ARL2BP: variants seen among roughly 807,000 people sequenced by gnomAD.
The protein encoded by ARL2BP is ARF like GTPase 2 binding protein.
In ARL2BP, 19 loss-of-function variants were observed where a neutral mutation model predicts 24.2. The observed-to-expected ratio is 0.79, with a 90% CI of 0.55 to 1.15. ARL2BP has a LOEUF of 1.15. ARL2BP is among the 50% of genes most tolerant of loss of function. ARL2BP has a pLI of 0.00. For missense variants in ARL2BP, 160 were observed against 190.4 expected (o/e 0.84, Z 0.94); for synonymous variants, 56 against 70.5 (o/e 0.79, Z 1.03).
At chr16:57,248,679 G>A in intron 3 of ARL2BP, 36 bp downstream of exon 3, 21 of 1,304,598 alleles carry the variant, frequency 1.6e-5, no homozygotes, top group Non-Finnish European at 2.2e-5. Context: ...CAGGAGGTCA[G>A]AGTTTTTAAA....
At position 57,252,488 on chromosome 16, in the gene ARL2BP, T is replaced by C; in HGVS notation, c.*221T>C. ...ATTAACCATAGTACTCCTCCCCACC[T>C]CAAGTAGACACCTCTCTCAGGAGCT... On this transcript the variant is annotated 3_prime_UTR_variant, in exon 6 of 6. Coordinates refer to ENST00000219204, the MANE Select transcript of ARL2BP (RefSeq NM_012106.4). 5 of 736,748 alleles carry C rather than the reference T, an allele frequency of 6.8e-6. No homozygotes were observed. The highest frequency in any genetic ancestry group is 1.1e-5 in the Non-Finnish European group (5 of 472,574). 45.6% of individuals were successfully genotyped at this position (736,748 alleles called of 1,614,324 possible). A position where few individuals can be genotyped will look rare whatever the true frequency, so the allele number is the denominator to read the frequency against.
rs373633040 is a variant in ARL2BP at position 57,245,443 on chromosome 16, G to A, written c.38+38G>A. ...TCCAGGGCGCAGGCGACTTGGGGCC[G>A]GAGGCAGCGGGCGTTCGCCCCGGGG... On this transcript the variant is annotated intron_variant, in intron 1 of 5. Coordinates refer to ENST00000219204, the MANE Select transcript of ARL2BP (RefSeq NM_012106.4). 304 of 1,597,228 alleles carry A rather than the reference G, an allele frequency of 1.9e-4. 1 individual carries two copies. The African/African-American group carries it at 3.8e-3, about 20-fold the overall frequency.
chr16:57,253,287 C>T lies in ARL2BP; in HGVS notation c.*1020C>T, dbSNP rs1330804649. ...TTTCTTCCTGTCAAAATCTCTCCTACCAAGATGGTGTTCCACTGTCCAGCC... is the reference window on the plus strand; with the variant it reads ...TTTCTTCCTGTCAAAATCTCTCCTATCAAGATGGTGTTCCACTGTCCAGCC... On this transcript the variant is annotated 3_prime_UTR_variant, in exon 6 of 6. Coordinates refer to ENST00000219204, the MANE Select transcript of ARL2BP (RefSeq NM_012106.4). 2 of 152,214 alleles carry T rather than the reference C, an allele frequency of 1.3e-5. No individual in the cohort carries two copies. The highest frequency in any genetic ancestry group is 2.4e-5 in the African/African-American group (1 of 41,436). 9.4% of individuals were successfully genotyped at this position (152,214 alleles called of 1,614,324 possible).
rs1010518472 is a variant in ARL2BP at position 57,252,658 on chromosome 16, C to T, written c.*391C>T. 11 of 238,344 alleles carry T rather than the reference C, an allele frequency of 4.6e-5. No individual in the cohort carries two copies. Among genetic ancestry groups the T allele is most frequent in the Non-Finnish European group, 5.8e-5 (7 of 120,094 alleles). 14.8% of individuals were successfully genotyped at this position (238,344 alleles called of 1,614,324 possible). A position where few individuals can be genotyped will look rare whatever the true frequency, so the allele number is the denominator to read the frequency against. ...AGCAGGCTCTGCATGAATCTTTGTG[C>T]ACTTGCACCTCTTTTTCACATGGGC... On this transcript the variant is annotated 3_prime_UTR_variant, in exon 6 of 6. Coordinates refer to ENST00000219204, the MANE Select transcript of ARL2BP (RefSeq NM_012106.4).
rs1044196 is a variant in ARL2BP at position 57,252,299 on chromosome 16, C to T, written c.*32C>T. The stretch of plus-strand genomic sequence containing the variant: ...CCTCCAGCCAATGAATGGGATCATT[C>T]TGGATGTCACCAGCCCAATAGGCTC... On this transcript the variant is annotated 3_prime_UTR_variant, in exon 6 of 6. Coordinates refer to ENST00000219204, the MANE Select transcript of ARL2BP (RefSeq NM_012106.4). The T allele has an allele frequency of 9.3e-4, 1,505 of 1,614,158 alleles. 13 individuals carry two copies. The African/African-American group carries it at 0.019, about 20-fold the overall frequency.
Position 57,245,284 on chromosome 16 carries a change from A to G in ARL2BP, c.-84A>G. ...AGTGAGCTGGCCGCGGCCTTGGCTG[A>G]GAGGCCTTAACCCCGCCGGGCGGCC... On this transcript the variant is annotated 5_prime_UTR_variant, in exon 1 of 6. Transcript: ENST00000219204. The G allele has an allele frequency of 6.6e-7, 1 of 1,517,350 alleles. No homozygotes were observed. Among genetic ancestry groups the G allele is most frequent in the Non-Finnish European group, 8.9e-7 (1 of 1,118,144 alleles). 94.0% of individuals were successfully genotyped at this position (1,517,350 alleles called of 1,614,324 possible).
At chr16:57,250,675 T>C in intron 5 of ARL2BP, 168 bp downstream of exon 5, 1 of 615,178 alleles carries the variant, frequency 1.6e-6, no homozygotes, top group Admixed American at 2.8e-5. Context: ...GACCTTCTCA[T>C]GTTTTCATGA....
intron 2 of ARL2BP, among the ~76,000 whole-genome samples, chr16:57,246,555 C>A (rs1284753463): frequency 6.6e-6 from 1 of 152,200 alleles, no homozygotes; most frequent in Non-Finnish European, 1.5e-5. Context: ...GTAATCCCAG[C>A]ACTTTGGGAG....
Position 57,252,160 on chromosome 16 carries a change from A to G in ARL2BP, c.391-6A>G. ...TAGTCCTTCCTTTGGTTGTTTTCTC[A>G]TATAGGAAAAAGAAGGCCGAGGACT... On this transcript the variant is annotated splice_region_variant and splice_polypyrimidine_tract_variant and intron_variant, in intron 5 of 5. Transcript: ENST00000219204. 6.2e-7 allele frequency: 1 copy of G among 1,613,362 alleles called. No individual in the cohort carries two copies. The highest frequency in any genetic ancestry group is 8.5e-7 in the Non-Finnish European group (1 of 1,179,762).
chr16:57,248,844 T>C (rs2075398828), intron 3 of ARL2BP, among the ~76,000 whole-genome samples: 1 of 152,234 alleles, frequency 6.6e-6, no homozygotes, highest in Non-Finnish European at 1.5e-5. Flanking sequence ...AGGCAAATAT[T>C]TGATTAACTC....
chr16:57,247,087 G>C (rs145190994), intron 2 of ARL2BP, among the ~76,000 whole-genome samples: 8 of 152,258 alleles, frequency 5.3e-5, no homozygotes, highest in African/African-American at 1.9e-4. Flanking sequence ...GTTATTTGGT[G>C]TTATTGGCTG....
Position 57,253,451 on chromosome 16 carries a change from G to C in ARL2BP, c.*1184G>C, listed in dbSNP as rs761908629. 1 of 151,992 alleles carries C rather than the reference G, an allele frequency of 6.6e-6. No individual in the cohort carries two copies. The highest frequency in any genetic ancestry group is 2.4e-5 in the African/African-American group (1 of 41,348). The allele number at this position is 151,992 out of a possible 1,614,324, so 9.4% of individuals were successfully genotyped here. ...AAAAAGCATAGTAGTTCAATTCCCA[G>C]TGTGTCCCTTTGATTTTTTTTTTTT... is the stretch of plus-strand genomic sequence containing the variant. On this transcript the variant is annotated 3_prime_UTR_variant, in exon 6 of 6. Coordinates refer to ENST00000219204, the MANE Select transcript of ARL2BP (RefSeq NM_012106.4).
chr16:57,250,782 T>C, intron 5 of ARL2BP: 1 of 233,020 alleles, frequency 4.3e-6, no homozygotes, highest in Non-Finnish European at 8.3e-6. Context: ...CTTTTATTTA[T>C]TTTTTTTTTT....
intron 5 of ARL2BP, 39 bp downstream of exon 5, chr16:57,250,546 A>C: frequency 1.9e-6 from 3 of 1,551,050 alleles, no homozygotes; most frequent in Non-Finnish European, 2.7e-6. Context: ...ACTTTGAGCC[A>C]CTTAGAAAAT....
In ARL2BP at chr16:57,248,547, C is replaced by T. The variant is rs1199697550; in HGVS notation, c.111C>T (p.Phe37=). The part of the protein sequence containing the change: ...YLEDIIMDDE[F]QLLQRNFMDK... ...CCCACTGTGGTTCAGATGACGAGTT[C>T]CAGTTATTACAGAGAAATTTCATGG... Residue 37 remains phenylalanine (F), a synonymous_variant, in exon 3 of 6, where the codon TTC becomes TTT. Coordinates refer to ENST00000219204, the MANE Select transcript of ARL2BP (RefSeq NM_012106.4). 1 of 1,596,848 alleles carries T rather than the reference C, an allele frequency of 6.3e-7. No homozygotes were observed. Among genetic ancestry groups the T allele is most frequent in the Non-Finnish European group, 8.5e-7 (1 of 1,173,474 alleles).
chr16:57,247,677 G>A (rs989594269), intron 2 of ARL2BP, among the ~76,000 whole-genome samples: 3 of 152,066 alleles, frequency 2.0e-5, no homozygotes, highest in Non-Finnish European at 4.4e-5. Context: ...TTATATGGGG[G>A]TTAGAGAAAT....
chr16:57,245,605 A>G (rs549443546), intron 1 of ARL2BP, among the ~76,000 whole-genome samples, 200 bp downstream of exon 1: 1 of 152,176 alleles, frequency 6.6e-6, no homozygotes, highest in African/African-American at 2.4e-5. Context: ...GCCCCGCAGG[A>G]CAGGAGTGCG....
At chr16:57,248,468 G>A in intron 2 of ARL2BP, 69 bp from the exon 3 acceptor site, 1 of 932,510 alleles carries the variant, frequency 1.1e-6, no homozygotes, top group Non-Finnish European at 1.7e-6. Context: ...CATAGATCCT[G>A]CCTACTTATA....
rs1555505026 is a variant in ARL2BP at position 57,250,518 on chromosome 16, A to C, written c.390+11A>C. Reference sequence around the variant, plus strand: ...TTGGACTACAGAGCAGTAAGTTACTACTCCTATTTATTTAGCCACTTTGAG... The same window carrying C: ...TTGGACTACAGAGCAGTAAGTTACTCCTCCTATTTATTTAGCCACTTTGAG... On this transcript the variant is annotated intron_variant, in intron 5 of 5. Transcript: ENST00000219204. The C allele has an allele frequency of 6.2e-7, 1 of 1,601,924 alleles. No individual in the cohort carries two copies. Among genetic ancestry groups the C allele is most frequent in the Non-Finnish European group, 8.6e-7 (1 of 1,169,138 alleles).
Sources: gnomAD v4.1 joint callset for allele counts (sites outside exome capture counted in the v4.1 genomes callset) on GRCh38, gnomAD v4.1.1 for gene constraint, MANE v1.5 for transcripts, NCBI Gene and HGNC (gene_info 2026-07-23, HGNC 2026-07-21) for gene names.